The following PDGFD variants were observed in gnomAD, a reference collection of about 807,000 sequenced individuals.
PDGFD encodes the protein platelet-derived growth factor D.
In PDGFD, 30 loss-of-function variants were observed where a neutral mutation model predicts 44.7. That is an observed-to-expected ratio of 0.67 (90% CI 0.50 to 0.91). The LOEUF is 0.91. Among genes scored for constraint, PDGFD ranks in the 40% least tolerant of loss-of-function variants. The pLI, the probability that PDGFD is intolerant of heterozygous loss-of-function variation, is 0.00. For missense variants in PDGFD, 445 were observed against 457.8 expected, an observed-to-expected ratio of 0.97 and a Z score of 0.25; for synonymous variants, 173 against 168.4, an observed-to-expected ratio of 1.03 and a Z score of -0.21.
intron 1 of PDGFD, among the ~76,000 whole-genome samples, chr11:104,135,433 A>T (rs1861989885): frequency 6.6e-6 from 1 of 152,234 alleles, no homozygotes; most frequent in Non-Finnish European, 1.5e-5. Flanking sequence ...TGCAATATGT[A>T]TGAAATTCCA....
chr11:104,059,140 A>T (rs1419857460), intron 1 of PDGFD, among the ~76,000 whole-genome samples: 2 of 148,806 alleles, frequency 1.3e-5, no homozygotes, highest in African/African-American at 5.0e-5. Flanking sequence ...TGTGTACATT[A>T]TACTTCAATA....
intron 5 of PDGFD, among the ~76,000 whole-genome samples, chr11:103,933,121 A>C (rs1199363445): frequency 6.6e-6 from 1 of 152,174 alleles, no homozygotes; most frequent in East Asian, 1.9e-4. Flanking sequence ...CAGTGCCATA[A>C]TCTGTTATGA....
intron 1 of PDGFD, among the ~76,000 whole-genome samples, chr11:104,113,172 C>T (rs528721388): frequency 6.6e-6 from 1 of 152,222 alleles, no homozygotes; most frequent in East Asian, 1.9e-4. Context: ...GATTACATAA[C>T]TTCCTCAGAA....
chr11:104,111,137 A>C (rs1861548690), intron 1 of PDGFD, among the ~76,000 whole-genome samples: 1 of 152,044 alleles, frequency 6.6e-6, no homozygotes, highest in South Asian at 2.1e-4. Flanking sequence ...GTCCTAACAG[A>C]CTCATAGTTT....
At chr11:104,029,892 A>G (rs1860098618) in intron 1 of PDGFD, among the ~76,000 whole-genome samples, 1 of 152,192 alleles carries the variant, frequency 6.6e-6, no homozygotes, top group South Asian at 2.1e-4. Flanking sequence ...ATAAACTATG[A>G]TATCCACTAA....
At chr11:104,056,658 C>T (rs1313179977) in intron 1 of PDGFD, among the ~76,000 whole-genome samples, 1 of 152,120 alleles carries the variant, frequency 6.6e-6, no homozygotes, top group East Asian at 1.9e-4. Context: ...AACAACACAA[C>T]CCTACCAACA....
At chr11:103,947,624 C>G (rs375015387) in intron 4 of PDGFD, 38 bp downstream of exon 4, 8 of 1,545,442 alleles carry the variant, frequency 5.2e-6, no homozygotes, top group Middle Eastern at 1.7e-4. Flanking sequence ...CTGTTCCATC[C>G]GTTTCTTTTG....
chr11:104,128,163 G>A (rs1861866066), intron 1 of PDGFD, among the ~76,000 whole-genome samples: 1 of 118,458 alleles, frequency 8.4e-6, no homozygotes, highest in South Asian at 2.9e-4. Flanking sequence ...AATCTACCCT[G>A]GACCACCTGA....
chr11:103,928,749 C>T (rs1565286867), intron 5 of PDGFD, among the ~76,000 whole-genome samples: 1 of 152,104 alleles, frequency 6.6e-6, no homozygotes, highest in Non-Finnish European at 1.5e-5. Flanking sequence ...TATAATCAAT[C>T]CAGATTTAAA....
intron 1 of PDGFD, among the ~76,000 whole-genome samples, chr11:104,081,298 T>C (rs1861042106): frequency 6.6e-6 from 1 of 152,324 alleles, no homozygotes; most frequent in East Asian, 1.9e-4. Flanking sequence ...AAAAGATTTA[T>C]GCATAATCCT....
At chr11:104,099,136 A>C (rs75844207) in intron 1 of PDGFD, among the ~76,000 whole-genome samples, 5,024 of 152,220 alleles carry the variant, frequency 0.033, 234 homozygotes, top group African/African-American at 0.1. Flanking sequence ...AGCTCAATTA[A>C]TTTGAGCAAT....
intron 1 of PDGFD, among the ~76,000 whole-genome samples, chr11:104,007,970 G>T (rs1859729737): frequency 6.6e-6 from 1 of 152,190 alleles, no homozygotes; most frequent in African/African-American, 2.4e-5. Context: ...TTGTTTTGTT[G>T]TTACTTTAAC....
intron 1 of PDGFD, among the ~76,000 whole-genome samples, chr11:104,105,481 GA>G (rs1467395643): frequency 6.6e-6 from 1 of 152,080 alleles, no homozygotes; most frequent in Non-Finnish European, 1.5e-5. Flanking sequence ...ACATGGGTAA[GA>G]AAAAGCATTT....
chr11:103,980,052 TC>T (rs1235033279), intron 3 of PDGFD, among the ~76,000 whole-genome samples: 29 of 152,228 alleles, frequency 1.9e-4, no homozygotes, highest in Non-Finnish European at 7.4e-5. Flanking sequence ...AAAATCCACT[TC>T]CCTATCTAGG....
intron 1 of PDGFD, among the ~76,000 whole-genome samples, chr11:104,011,778 T>C (rs1859790551): frequency 2.0e-5 from 3 of 151,974 alleles, no homozygotes; most frequent in Non-Finnish European, 4.4e-5. Context: ...TTTGTGAAGA[T>C]AAATGAGTAT....
intron 1 of PDGFD, among the ~76,000 whole-genome samples, chr11:104,087,863 T>C (rs769739936): frequency 1.2e-4 from 18 of 152,228 alleles, no homozygotes; most frequent in Non-Finnish European, 2.2e-4. Flanking sequence ...CAGAGAGGCC[T>C]AGACTAGTTT....
intron 1 of PDGFD, among the ~76,000 whole-genome samples, chr11:104,129,307 A>T (rs903468338): frequency 1.3e-5 from 2 of 151,302 alleles, no homozygotes. Context: ...GGCACCCTGG[A>T]GAGTGGTTTA....
At chr11:103,969,051 G>C (rs548572999) in intron 3 of PDGFD, among the ~76,000 whole-genome samples, 1 of 152,202 alleles carries the variant, frequency 6.6e-6, no homozygotes, top group Non-Finnish European at 1.5e-5. Context: ...AATATCTTTA[G>C]GTCTGATGTA....
intron 3 of PDGFD, among the ~76,000 whole-genome samples, chr11:103,959,273 T>C (rs1351845741): frequency 2.0e-5 from 3 of 152,208 alleles, no homozygotes; most frequent in Non-Finnish European, 4.4e-5. Context: ...TTTGGCACTA[T>C]GGGCCATACT....
Sources: allele counts gnomAD v4.1 joint callset (sites outside exome capture counted in the v4.1 genomes callset), GRCh38; gene constraint gnomAD v4.1.1; transcripts MANE v1.5; gene names NCBI Gene and HGNC (gene_info 2026-07-23, HGNC 2026-07-21).